The following RNF144A variants were observed in gnomAD, a reference collection of about 807,000 sequenced individuals.
RNF144A encodes E3 ubiquitin-protein ligase RNF144A.
RNF144A carries 11 observed loss-of-function variants against 38.7 expected under a neutral mutation model. The observed-to-expected ratio is 0.28, with a 90% CI of 0.18 to 0.47. RNF144A has a LOEUF of 0.47. RNF144A is among the 20% of genes least tolerant of loss of function. The pLI is 0.99. For missense variants in RNF144A, 316 were observed against 377.2 expected (o/e 0.84, Z 1.34); for synonymous variants, 149 against 143.9 (o/e 1.04, Z -0.25).
At chr2:6,937,270 C>T (rs763480517) in intron 1 of RNF144A, among the ~76,000 whole-genome samples, 3 of 152,162 alleles carry the variant, frequency 2.0e-5, no homozygotes, top group Non-Finnish European at 2.9e-5. Context: ...CATTAGCGCC[C>T]ATTTGCTGGT....
At chr2:6,991,926 T>A (rs1219623156) in intron 2 of RNF144A, among the ~76,000 whole-genome samples, 1 of 152,148 alleles carries the variant, frequency 6.6e-6, no homozygotes, top group Non-Finnish European at 1.5e-5. Flanking sequence ...TAATGTATCG[T>A]CAAGTTGGGG....
At chr2:6,945,018 T>C (rs1249199334) in intron 2 of RNF144A, among the ~76,000 whole-genome samples, 1 of 152,264 alleles carries the variant, frequency 6.6e-6, no homozygotes, top group Non-Finnish European at 1.5e-5. Context: ...TGTTTTGTTT[T>C]TCCCAAGTAG....
Position 6,943,095 on chromosome 2 carries a change from T to C in RNF144A, c.-12+1948T>C, listed in dbSNP as rs1014094688. 6.6e-6 allele frequency among the ~76,000 whole-genome samples: 1 copy of C among 152,180 alleles called. No individual in the cohort carries two copies. Among genetic ancestry groups the C allele is most frequent in the Non-Finnish European group, 1.5e-5 (1 of 68,018 alleles). On this transcript the variant is annotated intron_variant, in intron 2 of 8. Coordinates refer to ENST00000320892, the MANE Select transcript of RNF144A (RefSeq NM_014746.6). The surrounding 1 kb of genome is among the most constrained non-coding windows in gnomAD (Gnocchi z 4.3). Reference sequence around the variant, plus strand: ...GTGGTCCTATCCAGATCTGATCGTTTAAGAGGGCGGTATGTGCTGGAGATG... The same window carrying C: ...GTGGTCCTATCCAGATCTGATCGTTCAAGAGGGCGGTATGTGCTGGAGATG...
In RNF144A at chr2:7,037,789, G is replaced by A. The variant is rs371042579; in HGVS notation, c.748-1840G>A. ...GTCTCATATTTTAGGGCTGATAATG[G>A]CCCGTAAAGATCTTTTACTTCATTT... is the stretch of plus-strand genomic sequence containing the variant. On this transcript the variant is annotated intron_variant, in intron 8 of 8. Transcript: ENST00000320892. 6.6e-4 allele frequency among the ~76,000 whole-genome samples: 100 copies of A among 152,344 alleles called. 1 individual carries two copies. Among genetic ancestry groups the A allele is most frequent in the Middle Eastern group, 3.4e-3 (1 of 294 alleles).
At chr2:7,027,820 A>G (rs921346820) in intron 7 of RNF144A, among the ~76,000 whole-genome samples, 2 of 152,260 alleles carry the variant, frequency 1.3e-5, no homozygotes, top group Non-Finnish European at 2.9e-5. Context: ...ACTAAAAATC[A>G]TAAGTCAATC....
chr2:6,923,270 C>T (rs771283), intron 1 of RNF144A, among the ~76,000 whole-genome samples: 78,810 of 152,186 alleles, frequency 0.52, 20,773 homozygotes, highest in Non-Finnish European at 0.56. Flanking sequence ...CAAACATTCA[C>T]TGAAACGGAA....
At chr2:7,004,691 T>C (rs1218254677) in intron 3 of RNF144A, among the ~76,000 whole-genome samples, 1 of 152,156 alleles carries the variant, frequency 6.6e-6, no homozygotes, top group African/African-American at 2.4e-5. Context: ...TTGCGGATGC[T>C]CCTCCCCCTT....
chr2:7,057,067 C>T (rs895422778), intron 6 of RNF144A, among the ~76,000 whole-genome samples: 6 of 152,096 alleles, frequency 3.9e-5, no homozygotes, highest in South Asian at 2.1e-4. Context: ...CATACATCAA[C>T]AGGAGGTGAG....
At chr2:7,048,151 T>C (rs1673382239), downstream of RNF144A, among the ~76,000 whole-genome samples, 1 of 152,108 alleles carries the variant, frequency 6.6e-6, no homozygotes, top group Non-Finnish European at 1.5e-5. Flanking sequence ...GCTCAGGAAA[T>C]CCTGAGGGGG....
At chr2:6,949,574 C>T (rs1469130137) in intron 2 of RNF144A, among the ~76,000 whole-genome samples, 6 of 152,184 alleles carry the variant, frequency 3.9e-5, no homozygotes, top group Non-Finnish European at 8.8e-5. Flanking sequence ...TGGAGGCAGT[C>T]TAGGCCTCTT....
chr2:6,996,826 G>A, intron 2 of RNF144A, 90 bp from the exon 3 acceptor site: 1 of 1,362,890 alleles, frequency 7.3e-7, no homozygotes, highest in Non-Finnish European at 1.0e-6. Context: ...CACCTCCCTG[G>A]GTCCCAGCTA....
intron 2 of RNF144A, among the ~76,000 whole-genome samples, chr2:6,966,316 T>A (rs113114195): frequency 6.6e-6 from 1 of 152,166 alleles, no homozygotes; most frequent in Non-Finnish European, 1.5e-5. Flanking sequence ...CTAGCTAGGA[T>A]GCAGAAACAG....
rs1363198940 is a variant in RNF144A at position 6,944,198 on chromosome 2, G to T, written c.-12+3051G>T. On this transcript the variant is annotated intron_variant, in intron 2 of 8. Transcript: ENST00000320892. The surrounding 1 kb of genome is among the most constrained non-coding windows in gnomAD (Gnocchi z 4.7). The stretch of plus-strand genomic sequence containing the variant: ...CATTGGAGATGCGGGAGGAGGCCGG[G>T]CACTATGGGCCTGGGGTGATGGAGA... Among the ~76,000 whole-genome samples the T allele has an allele frequency of 1.3e-5, 2 of 152,134 alleles. No individual in the cohort carries two copies. Among genetic ancestry groups the T allele is most frequent in the African/African-American group, 2.4e-5 (1 of 41,412 alleles).
At chr2:7,015,131 G>T (rs756317027) in intron 5 of RNF144A, among the ~76,000 whole-genome samples, 2 of 152,162 alleles carry the variant, frequency 1.3e-5, no homozygotes, top group Non-Finnish European at 2.9e-5. Context: ...GAAGTTAAAA[G>T]ATGCAGAGTC....
At chr2:7,012,763 C>G (rs532630011) in intron 3 of RNF144A, among the ~76,000 whole-genome samples, 1 of 152,288 alleles carries the variant, frequency 6.6e-6, no homozygotes, top group South Asian at 2.1e-4. Flanking sequence ...ATGAATTTAT[C>G]TCTGAAAATT....
chr2:6,964,623 T>C (rs1667537537), intron 2 of RNF144A, among the ~76,000 whole-genome samples: 1 of 152,204 alleles, frequency 6.6e-6, no homozygotes, highest in South Asian at 2.1e-4. Flanking sequence ...ATATACACCA[T>C]GGAATACTAC....
rs1185334873 is a variant in RNF144A, at chr2:6,945,452, A to G, written c.-12+4305A>G. On this transcript the variant is annotated intron_variant, in intron 2 of 8. Transcript: ENST00000320892. ...TCCTCCATATTCTGTGCTCTAGGCTATGATGTTAAGTCAGTCTGTTGCTGG... is the reference window on the plus strand; with the variant it reads ...TCCTCCATATTCTGTGCTCTAGGCTGTGATGTTAAGTCAGTCTGTTGCTGG... 2.0e-5 allele frequency among the ~76,000 whole-genome samples: 3 copies of G among 152,140 alleles called. No individual in the cohort carries two copies. In the East Asian group the frequency reaches 5.8e-4, roughly 29 times the overall value.
chr2:6,932,279 C>G (rs147064350), intron 1 of RNF144A, among the ~76,000 whole-genome samples: 178 of 152,208 alleles, frequency 1.2e-3, no homozygotes, highest in Middle Eastern at 6.8e-3. Flanking sequence ...TTTTCCATCC[C>G]TTTATTTTTA....
intron 2 of RNF144A, among the ~76,000 whole-genome samples, chr2:6,995,278 C>T (rs1231731571): frequency 6.6e-6 from 1 of 152,016 alleles, no homozygotes; most frequent in African/African-American, 2.4e-5. Context: ...CAGTAAGTCC[C>T]AAACCTACCT....
Sources: allele counts gnomAD v4.1 joint callset (sites outside exome capture counted in the v4.1 genomes callset), GRCh38; gene constraint gnomAD v4.1.1; non-coding constraint Gnocchi (gnomAD v3.1); transcripts MANE v1.5; gene names NCBI Gene and HGNC (gene_info 2026-07-23, HGNC 2026-07-21).